Variants in IQCJ observed in about 807,000 individuals in gnomAD.
The protein encoded by IQCJ is IQ motif containing J, also known as IQ domain-containing protein J.
A neutral mutation model predicts 11.0 loss-of-function variants in IQCJ; 9 were observed. The ratio of observed to expected loss-of-function variants is 0.82; its 90% confidence interval spans 0.49 to 1.43. The LOEUF is 1.43. Among genes scored for constraint, IQCJ ranks in the 40% most tolerant of loss-of-function variants. The pLI is 0.00. For synonymous variants in IQCJ, 55 were observed against 51.3 expected, an observed-to-expected ratio of 1.07 and a Z score of -0.31; for missense variants, 146 against 133.2, an observed-to-expected ratio of 1.10 and a Z score of -0.47.
At chr3:159,231,828 G>T (rs58552621) in intron 1 of IQCJ, among the ~76,000 whole-genome samples, 2,446 of 152,246 alleles carry the variant, frequency 0.016, 79 homozygotes, top group African/African-American at 0.056. Context: ...GGTCTATTCA[G>T]GGATGTGACT....
At chr3:159,074,281 G>T (rs1048727716) in intron 1 of IQCJ, among the ~76,000 whole-genome samples, 1 of 151,808 alleles carries the variant, frequency 6.6e-6, no homozygotes, top group African/African-American at 2.4e-5. Flanking sequence ...GAAGAAATGA[G>T]GTCTTGAGTT....
At chr3:159,153,684 A>G (rs1721354792) in intron 1 of IQCJ, among the ~76,000 whole-genome samples, 1 of 152,246 alleles carries the variant, frequency 6.6e-6, no homozygotes, top group Non-Finnish European at 1.5e-5. Flanking sequence ...TATAGTGGGC[A>G]TCTGTCCTTT....
At chr3:159,219,410 A>G (rs1725413296) in intron 1 of IQCJ, among the ~76,000 whole-genome samples, 1 of 152,170 alleles carries the variant, frequency 6.6e-6, no homozygotes, top group Non-Finnish European at 1.5e-5. Flanking sequence ...TATGACACAT[A>G]AAAGTTACTG....
chr3:159,120,950 G>T (rs1289486514), intron 1 of IQCJ, among the ~76,000 whole-genome samples: 1 of 151,682 alleles, frequency 6.6e-6, no homozygotes, highest in Admixed American at 6.6e-5. Context: ...TTTCAAATAA[G>T]ATGAAGGGTG....
At chr3:159,265,302 G>A (rs201810190), downstream of IQCJ, 397 of 1,613,728 alleles carry the variant, frequency 2.5e-4, no homozygotes, top group Non-Finnish European at 3.1e-4. Flanking sequence ...TGGAAGGAAG[G>A]TGATTCTTCT....
intron 1 of IQCJ, among the ~76,000 whole-genome samples, chr3:159,132,408 T>G (rs1720041593): frequency 6.6e-6 from 1 of 152,218 alleles, no homozygotes; most frequent in African/African-American, 2.4e-5. Context: ...TTTCTTCCCC[T>G]AAATGATTGA....
intron 1 of IQCJ, among the ~76,000 whole-genome samples, chr3:159,183,210 G>A (rs1204535673): frequency 6.6e-6 from 1 of 152,130 alleles, no homozygotes; most frequent in African/African-American, 2.4e-5. Flanking sequence ...GGACATTTCA[G>A]GGAAATAATT....
intron 1 of IQCJ, among the ~76,000 whole-genome samples, chr3:159,072,250 C>T (rs1715614101): frequency 6.6e-6 from 1 of 151,968 alleles, no homozygotes; most frequent in Non-Finnish European, 1.5e-5. Flanking sequence ...TAGAGAAGAA[C>T]AATCACAGTT....
At chr3:159,258,345 C>T (rs765898485) in intron 3 of IQCJ, among the ~76,000 whole-genome samples, 8 of 152,220 alleles carry the variant, frequency 5.3e-5, no homozygotes, top group South Asian at 4.1e-4. Context: ...GAACCAACCA[C>T]GGCCCTCTGG....
At chr3:159,265,484 C>T (rs1169032854), downstream of IQCJ, 5 of 1,134,984 alleles carry the variant, frequency 4.4e-6, no homozygotes, top group African/African-American at 1.5e-5. Flanking sequence ...TGAGCTTCCT[C>T]TAACAACCAT....
At chr3:159,248,121 C>T (rs1018103305) in intron 2 of IQCJ, among the ~76,000 whole-genome samples, 1 of 152,118 alleles carries the variant, frequency 6.6e-6, no homozygotes, top group African/African-American at 2.4e-5. Context: ...ATCTTGAGCC[C>T]CACTATACTT....
At chr3:159,192,924 A>G (rs926117122) in intron 1 of IQCJ, among the ~76,000 whole-genome samples, 3 of 152,218 alleles carry the variant, frequency 2.0e-5, no homozygotes, top group African/African-American at 7.2e-5. Context: ...CAGCCCTGCA[A>G]TGCAGCTGGT....
chr3:159,128,666 C>G (rs548535306), intron 1 of IQCJ, among the ~76,000 whole-genome samples: 2 of 152,254 alleles, frequency 1.3e-5, no homozygotes, highest in South Asian at 2.1e-4. Flanking sequence ...TACTAACGTT[C>G]CAGTCCATCC....
At chr3:159,116,770 T>C (rs1217337010) in intron 1 of IQCJ, among the ~76,000 whole-genome samples, 1 of 151,132 alleles carries the variant, frequency 6.6e-6, no homozygotes, top group Non-Finnish European at 1.5e-5. Context: ...TCACAGATCT[T>C]TTGTGCAATT....
intron 1 of IQCJ, among the ~76,000 whole-genome samples, chr3:159,090,191 A>C (rs1717148640): frequency 1.3e-5 from 2 of 151,712 alleles, no homozygotes; most frequent in Admixed American, 1.3e-4. Context: ...GTGAGGTGTC[A>C]GTCTGCCCCT....
chr3:159,243,850 C>A (rs1397103216), intron 1 of IQCJ, among the ~76,000 whole-genome samples: 1 of 152,122 alleles, frequency 6.6e-6, no homozygotes, highest in Non-Finnish European at 1.5e-5. Context: ...GAAAGCAGGG[C>A]AATAATTAGA....
At chr3:159,216,935 A>AT (rs1340440682) in intron 1 of IQCJ, among the ~76,000 whole-genome samples, 1 of 152,162 alleles carries the variant, frequency 6.6e-6, no homozygotes, top group African/African-American at 2.4e-5. Context: ...AGTAGCTCCC[A>AT]TTTTACCAAC....
chr3:159,236,185 A>G (rs1028765462), intron 1 of IQCJ, among the ~76,000 whole-genome samples: 2 of 151,936 alleles, frequency 1.3e-5, no homozygotes, highest in African/African-American at 4.8e-5. Context: ...GCTGCAAGGT[A>G]ACTTCCCTGT....
chr3:159,229,898 C>T lies in IQCJ; in HGVS notation c.10-15945C>T, dbSNP rs192832303. ...GGTTAAAATTACTTGCCACCTCAAC[C>T]ACAGTTTTGTTAATTTTTTTTTAAA... On this transcript the variant is annotated intron_variant, in intron 1 of 3. Transcript: ENST00000397832. Among the ~76,000 whole-genome samples, 57 of 121,118 alleles carry T rather than the reference C, an allele frequency of 4.7e-4. No individual in the cohort carries two copies. The East Asian group carries it at 7.9e-3, about 17-fold the overall frequency. 79.5% of individuals were successfully genotyped at this position (121,118 alleles called of 152,430 possible). A position where few individuals can be genotyped will look rare whatever the true frequency, so the allele number is the denominator to read the frequency against.
Sources: allele counts gnomAD v4.1 joint callset (sites outside exome capture counted in the v4.1 genomes callset), GRCh38; gene constraint gnomAD v4.1.1; transcripts MANE v1.5; gene names NCBI Gene and HGNC (gene_info 2026-07-23, HGNC 2026-07-21).